MCCC2: variants seen among roughly 807,000 people sequenced by gnomAD.
The protein encoded by MCCC2 is methylcrotonoyl-CoA carboxylase beta chain, mitochondrial.
Under a neutral mutation model 77.2 loss-of-function variants are expected in MCCC2, and 52 were observed. That is an observed-to-expected ratio of 0.67 (90% confidence interval 0.54 to 0.85). The LOEUF is 0.85. Ranked by LOEUF, MCCC2 falls within the 40% of genes least tolerant of loss-of-function variation. The pLI, the probability that MCCC2 is intolerant of heterozygous loss-of-function variation, is 0.00. For synonymous variants in MCCC2, 253 were observed against 248.4 expected (o/e 1.02, Z -0.18); for missense variants, 682 against 703.2 (o/e 0.97, Z 0.34).
chr5:71,599,589 C>G, intron 3 of MCCC2, 70 bp from the exon 4 acceptor site: 1 of 1,214,012 alleles, frequency 8.2e-7, no homozygotes, highest in East Asian at 2.3e-5. Flanking sequence ...TTTTCCTTTT[C>G]CATGTGTAAC....
intron 3 of MCCC2, among the ~76,000 whole-genome samples, chr5:71,597,947 C>G (rs1398294341): frequency 1.3e-5 from 2 of 152,150 alleles, no homozygotes; most frequent in East Asian, 3.9e-4. Flanking sequence ...CTGCCCCTTA[C>G]TTACTGTGTA....
chr5:71,640,900 G>A, intron 10 of MCCC2, 103 bp from the exon 11 acceptor site: 1 of 990,544 alleles, frequency 1.0e-6, no homozygotes, highest in Non-Finnish European at 1.6e-6. Context: ...GAAATTTTGT[G>A]AAAGTGACAA....
intron 6 of MCCC2, among the ~76,000 whole-genome samples, chr5:71,607,094 A>G (rs1163507348): frequency 6.6e-6 from 1 of 151,934 alleles, no homozygotes; most frequent in Non-Finnish European, 1.5e-5. Context: ...GCCTCATAAA[A>G]TGAGTTAGGG....
At chr5:71,627,925 C>A (rs1451166688) in intron 7 of MCCC2, among the ~76,000 whole-genome samples, 1 of 152,046 alleles carries the variant, frequency 6.6e-6, no homozygotes, top group Non-Finnish European at 1.5e-5. Context: ...CTCACTGCAA[C>A]CTCCACCTCC....
At chr5:71,619,954 G>T (rs1462295148) in intron 6 of MCCC2, among the ~76,000 whole-genome samples, 1 of 151,464 alleles carries the variant, frequency 6.6e-6, no homozygotes, top group Non-Finnish European at 1.5e-5. Context: ...TCACGCCACT[G>T]CACTCCAGCC....
intron 7 of MCCC2, 105 bp from the exon 8 acceptor site, chr5:71,632,016 A>C: frequency 1.0e-6 from 1 of 984,484 alleles, no homozygotes; most frequent in Non-Finnish European, 1.6e-6. Context: ...AGTTCTATGG[A>C]AGAAAAAGTA....
intron 16 of MCCC2, among the ~76,000 whole-genome samples, chr5:71,654,506 A>G (rs1561850011): frequency 2.0e-5 from 3 of 152,198 alleles, no homozygotes; most frequent in Non-Finnish European, 1.5e-5. Flanking sequence ...AGAAAGCCGT[A>G]TAAGAGGTTT....
chr5:71,656,873 A>T lies in MCCC2; in HGVS notation c.*13A>T, dbSNP rs1371487020. 1 of 1,592,086 alleles carries T rather than the reference A, an allele frequency of 6.3e-7. No individual in the cohort carries two copies. The highest frequency in any genetic ancestry group is 1.7e-5 in the Admixed American group (1 of 59,976). On this transcript the variant is annotated 3_prime_UTR_variant, in exon 17 of 17. Coordinates refer to ENST00000340941, the MANE Select transcript of MCCC2 (RefSeq NM_022132.5). The stretch of plus-strand genomic sequence containing the variant: ...CTTCAGGATGTAACTGGAATAAAGG[A>T]TGTTTTCTGTTGGACATGTACTGAA...
chr5:71,608,462 A>G lies in MCCC2; in HGVS notation c.624+3994A>G, dbSNP rs577555930. ...TCCTCCATCCTTTTATTTTGAGCCT[A>G]TGTGTGTCTCTGCACGTGAGATGGG... On this transcript the variant is annotated intron_variant, in intron 6 of 16. Coordinates refer to ENST00000340941, the MANE Select transcript of MCCC2 (RefSeq NM_022132.5). Among the ~76,000 whole-genome samples, 152 of 143,080 alleles carry G rather than the reference A, an allele frequency of 1.1e-3. 1 individual carries two copies. The highest frequency in any genetic ancestry group is 3.2e-3 in the African/African-American group (121 of 38,052). 93.9% of individuals were successfully genotyped at this position (143,080 alleles called of 152,430 possible). A position where few individuals can be genotyped will look rare whatever the true frequency, so the allele number is the denominator to read the frequency against.
chr5:71,597,801 C>T (rs1234197403), intron 3 of MCCC2, among the ~76,000 whole-genome samples: 2 of 152,154 alleles, frequency 1.3e-5, no homozygotes, highest in South Asian at 2.1e-4. Flanking sequence ...CAAATGAAAT[C>T]GTACTAAATT....
At chr5:71,624,499 T>C (rs1352438945) in intron 6 of MCCC2, among the ~76,000 whole-genome samples, 3 of 151,570 alleles carry the variant, frequency 2.0e-5, no homozygotes, top group African/African-American at 4.9e-5. Flanking sequence ...TGCCTCAGCC[T>C]CCCGAGTAGC....
rs770767030 is a variant in MCCC2 at position 71,649,071 on chromosome 5, G to GGC, written c.1217-25_1217-24dup. 1.1e-5 allele frequency: 17 copies of GGC among 1,613,794 alleles called. No individual in the cohort carries two copies. The East Asian group carries it at 3.6e-4, about 34-fold the overall frequency. On this transcript the variant is annotated intron_variant, in intron 13 of 16. Transcript: ENST00000340941. ...CCGCATATTAATCCCATCACCCAGA[G>GGC]GCTCTCTTTCTGATCTTTCTCTCAG... is the stretch of plus-strand genomic sequence containing the variant.
chr5:71,637,920 G>C (rs984336429), intron 10 of MCCC2, among the ~76,000 whole-genome samples: 3 of 151,844 alleles, frequency 2.0e-5, no homozygotes, highest in African/African-American at 7.3e-5. Flanking sequence ...CACCGTATTA[G>C]CCAGGATAGT....
chr5:71,653,657 G>C (rs773825344), intron 16 of MCCC2, among the ~76,000 whole-genome samples: 2 of 151,832 alleles, frequency 1.3e-5, no homozygotes, highest in African/African-American at 4.8e-5. Context: ...CGAAACTAGC[G>C]GGGCAACATG....
At chr5:71,626,492 T>A in intron 6 of MCCC2, 148 bp from the exon 7 acceptor site, 1 of 670,406 alleles carries the variant, frequency 1.5e-6, no homozygotes, top group East Asian at 2.7e-5. Flanking sequence ...TTTCAAACAT[T>A]TAGAGGACTT....
intron 6 of MCCC2, among the ~76,000 whole-genome samples, chr5:71,610,423 G>A (rs562811284): frequency 4.6e-5 from 7 of 152,214 alleles, no homozygotes; most frequent in East Asian, 1.9e-4. Flanking sequence ...GCCCTGCTTC[G>A]GCTCGCACAC....
At position 71,657,186 on chromosome 5, in the gene MCCC2, G is replaced by T; in HGVS notation, c.*326G>T. 1 of 269,974 alleles carries T rather than the reference G, an allele frequency of 3.7e-6. No individual in the cohort carries two copies. Among genetic ancestry groups the T allele is most frequent in the South Asian group, 4.2e-5 (1 of 23,588 alleles). The allele number at this position is 269,974 out of a possible 1,614,324, so 16.7% of individuals were successfully genotyped here. On this transcript the variant is annotated 3_prime_UTR_variant, in exon 17 of 17. Coordinates refer to ENST00000340941, the MANE Select transcript of MCCC2 (RefSeq NM_022132.5). ...GTTCTGTAATCTGTATTATTGAGAT[G>T]ATTAATATAAAGTTGTATTTTCACT...
In MCCC2 at chr5:71,596,300, G is replaced by A; in HGVS notation, c.217G>A (p.Ala73Thr). The A allele has an allele frequency of 6.2e-7, 1 of 1,614,090 alleles. No homozygotes were observed. The highest frequency in any genetic ancestry group is 8.5e-7 in the Non-Finnish European group (1 of 1,180,002). ...IKLGGGEKAR[A>T]LHISRGKLLP... The stretch of plus-strand genomic sequence containing the variant: ...CATAGGAGGTGGTGAGAAAGCCCGA[G>A]CACTTCACATATCAAGAGGAAAACT... The change falls in exon 3 of 17, where the codon GCA becomes ACA. Residue 73 changes from alanine to threonine, a missense_variant. By Grantham distance (58) the Ala-to-Thr change is moderately conservative. Transcript: ENST00000340941.
At chr5:71,653,190 C>T (rs1329229119) in intron 16 of MCCC2, among the ~76,000 whole-genome samples, 2 of 152,246 alleles carry the variant, frequency 1.3e-5, no homozygotes, top group East Asian at 3.9e-4. Flanking sequence ...TGAACACTTA[C>T]TGGCATTTGT....
Sources: allele counts gnomAD v4.1 joint callset (sites outside exome capture counted in the v4.1 genomes callset), GRCh38; gene constraint gnomAD v4.1.1; transcripts MANE v1.5; gene names NCBI Gene and HGNC (gene_info 2026-07-23, HGNC 2026-07-21).